DAG1: variants seen among roughly 807,000 people sequenced by gnomAD.
DAG1 encodes dystroglycan 1 (dystrophin-associated glycoprotein 1).
Under a neutral mutation model 46.1 loss-of-function variants are expected in DAG1, and 8 were observed. The observed-to-expected ratio is 0.17, with a 90% CI of 0.10 to 0.31. The LOEUF is 0.31. DAG1 is among the 10% of genes least tolerant of loss of function. DAG1 has a pLI of 1.00. For missense variants in DAG1, 1,003 were observed against 1,189.9 expected (o/e 0.84, Z 2.31); for synonymous variants, 495 against 481.8 (o/e 1.03, Z -0.36).
rs191502199 is a variant in DAG1, at chr3:49,534,553, G to A, written c.*1354G>A. 82 of 152,678 alleles carry A rather than the reference G, an allele frequency of 5.4e-4. No individual in the cohort carries two copies. Among genetic ancestry groups the A allele is most frequent in the East Asian group, 1.3e-3 (7 of 5,190 alleles). 9.5% of individuals were successfully genotyped at this position (152,678 alleles called of 1,614,324 possible). On this transcript the variant is annotated 3_prime_UTR_variant, in exon 3 of 3. Transcript: ENST00000308775. The stretch of plus-strand genomic sequence containing the variant: ...TGGTGATGCTTACAGCAGTTTGTAC[G>A]AGCTCTTAAGTGTTGATTCCATGGA...
intron 2 of DAG1, among the ~76,000 whole-genome samples, chr3:49,517,359 T>TTG (rs1332574242): frequency 6.6e-6 from 1 of 152,170 alleles, no homozygotes; most frequent in Non-Finnish European, 1.5e-5. Flanking sequence ...TGTGTTTATT[T>TTG]TGTGTGTCAG....
intron 1 of DAG1, among the ~76,000 whole-genome samples, chr3:49,480,110 C>T (rs1462483174): frequency 4.6e-5 from 6 of 129,252 alleles, no homozygotes; most frequent in East Asian, 2.0e-4. Flanking sequence ...CCACCACACC[C>T]GGCTATTTTT....
At position 49,510,999 on chromosome 3, in the gene DAG1, C is replaced by G; in HGVS notation, c.285+180C>G. 5 of 978,854 alleles carry G rather than the reference C, an allele frequency of 5.1e-6. No individual in the cohort carries two copies. In the South Asian group the frequency reaches 1.9e-4, roughly 37 times the overall value. 60.6% of individuals were successfully genotyped at this position (978,854 alleles called of 1,614,324 possible). A position where few individuals can be genotyped will look rare whatever the true frequency, so the allele number is the denominator to read the frequency against. ...AATCCCTATATACTCAGAATAGCAT[C>G]CTAAACTGTATTCTTGTTCCTATTC... On this transcript the variant is annotated intron_variant, in intron 2 of 2. Transcript: ENST00000308775.
intron 2 of DAG1, among the ~76,000 whole-genome samples, chr3:49,514,219 A>G (rs2050834522): frequency 6.6e-6 from 1 of 152,154 alleles, no homozygotes; most frequent in South Asian, 2.1e-4. Context: ...TCTTGTTCCT[A>G]GAGCTTTGGT....
intron 1 of DAG1, among the ~76,000 whole-genome samples, chr3:49,474,014 A>G (rs2106792603): frequency 2.0e-5 from 3 of 151,396 alleles, no homozygotes; most frequent in Middle Eastern, 6.8e-3. Flanking sequence ...CAGCATCCTG[A>G]GTAGCTAGGA....
Position 49,532,004 on chromosome 3 carries a change from A to T in DAG1, c.1493A>T (p.Glu498Val), listed in dbSNP as rs1181538352. ...GGCGGAGAACCCAACCAGCGCCCAG[A>T]GCTCAAGAACCATATTGACAGGGTA... ...PRGGEPNQRP[E>V]LKNHIDRVDA... Residue 498 changes from glutamate to valine, a missense_variant, in exon 3 of 3, where the codon GAG becomes GTG. Coordinates refer to ENST00000308775, the MANE Select transcript of DAG1 (RefSeq NM_004393.6). The surrounding 1 kb of genome is among the most constrained non-coding windows in gnomAD (Gnocchi z 5.4). The T allele has an allele frequency of 6.2e-7, 1 of 1,614,148 alleles. No homozygotes were observed. Among genetic ancestry groups the T allele is most frequent in the Non-Finnish European group, 8.5e-7 (1 of 1,180,030 alleles).
rs1477337927 is a variant in DAG1 at position 49,510,477 on chromosome 3, C to T, written c.-58C>T. On this transcript the variant is annotated 5_prime_UTR_variant, in exon 2 of 3. Coordinates refer to ENST00000308775, the MANE Select transcript of DAG1 (RefSeq NM_004393.6). ...GAGGGTGAGAACCCAGCTCTGGGAC[C>T]AAGTCACTTGCTTCCTTACTTAGCA... is the stretch of plus-strand genomic sequence containing the variant. 3 of 1,572,558 alleles carry T rather than the reference C, an allele frequency of 1.9e-6. No individual in the cohort carries two copies. In the African/African-American group the frequency reaches 4.0e-5, roughly 21 times the overall value.
chr3:49,471,535 T>TG (rs2049518404), intron 1 of DAG1, among the ~76,000 whole-genome samples: 1 of 151,132 alleles, frequency 6.6e-6, no homozygotes, highest in African/African-American at 2.5e-5. Flanking sequence ...TGAACTTTTG[T>TG]GGGTTTTTTT....
chr3:49,514,658 G>A (rs2050849544), intron 2 of DAG1, among the ~76,000 whole-genome samples: 1 of 149,002 alleles, frequency 6.7e-6, no homozygotes. Context: ...TTTTTGGGGG[G>A]ATGGAGTTTC....
chr3:49,475,861 A>C (rs1353077891), intron 1 of DAG1, among the ~76,000 whole-genome samples: 1 of 151,654 alleles, frequency 6.6e-6, no homozygotes, highest in Non-Finnish European at 1.5e-5. Context: ...CCGCCACCAC[A>C]CCTGGCTAAT....
chr3:49,486,859 G>C (rs1367131859), intron 1 of DAG1, among the ~76,000 whole-genome samples: 1 of 152,086 alleles, frequency 6.6e-6, no homozygotes, highest in East Asian at 1.9e-4. Context: ...TGAACTGTTA[G>C]ATATATAGTA....
chr3:49,509,018 C>T (rs148694859), intron 1 of DAG1, among the ~76,000 whole-genome samples: 1 of 152,280 alleles, frequency 6.6e-6, no homozygotes, highest in Middle Eastern at 3.4e-3. Context: ...TAGAGTCTTA[C>T]TACCATCATA....
intron 1 of DAG1, among the ~76,000 whole-genome samples, chr3:49,497,953 C>T (rs1420722659): frequency 2.0e-5 from 3 of 152,150 alleles, no homozygotes; most frequent in Non-Finnish European, 4.4e-5. Context: ...AAAACCAAAC[C>T]ACCGCCAGCA....
At chr3:49,502,563 C>G (rs879457175) in intron 1 of DAG1, among the ~76,000 whole-genome samples, 1 of 151,988 alleles carries the variant, frequency 6.6e-6, no homozygotes, top group African/African-American at 2.4e-5. Context: ...AATGTTTTAC[C>G]TATTACTTAT....
At chr3:49,471,779 T>A (rs1575327979) in intron 1 of DAG1, among the ~76,000 whole-genome samples, 1 of 152,348 alleles carries the variant, frequency 6.6e-6, no homozygotes, top group East Asian at 1.9e-4. Flanking sequence ...CCTGCCAAAT[T>A]CTGTGGTAGA....
At chr3:49,503,436 T>TA (rs1282730503) in intron 1 of DAG1, among the ~76,000 whole-genome samples, 1 of 152,256 alleles carries the variant, frequency 6.6e-6, no homozygotes. Context: ...GGTTGCTTGA[T>TA]ATTTTTTGAT....
At chr3:49,530,694 ATTATACC>A (rs2051314400) in intron 2 of DAG1, 96 bp from the exon 3 acceptor site, 2 of 1,555,062 alleles carry the variant, frequency 1.3e-6, no homozygotes, top group Admixed American at 3.5e-5. Context: ...GGCATTCTGA[ATTATACC>A]TTAAACCTGT....
At chr3:49,478,101 T>C (rs775539587) in intron 1 of DAG1, among the ~76,000 whole-genome samples, 29 of 151,566 alleles carry the variant, frequency 1.9e-4, no homozygotes, top group African/African-American at 6.8e-4. Context: ...ACCCTGTCTC[T>C]AGTAAAAATA....
rs143350867 is a variant in DAG1, at chr3:49,475,560, G to A, written c.-117+5127G>A. Among the ~76,000 whole-genome samples the A allele has an allele frequency of 6.6e-5, 10 of 151,654 alleles. No individual in the cohort carries two copies. In the East Asian group the frequency reaches 1.4e-3, roughly 21 times the overall value. On this transcript the variant is annotated intron_variant, in intron 1 of 2. Transcript: ENST00000308775. ...GCTGGGATTACAGGTATGAGCCACC[G>A]TGCCCAGCCAGCAATTTCTATAAAT...
Sources: allele counts gnomAD v4.1 joint callset (sites outside exome capture counted in the v4.1 genomes callset), GRCh38; gene constraint gnomAD v4.1.1; non-coding constraint Gnocchi (gnomAD v3.1); transcripts MANE v1.5; gene names NCBI Gene and HGNC (gene_info 2026-07-23, HGNC 2026-07-21).